Variants in PYGB observed in about 807,000 individuals in gnomAD.
PYGB encodes the protein glycogen phosphorylase, brain form.
A neutral mutation model predicts 94.3 loss-of-function variants in PYGB; 82 were observed. The ratio of observed to expected loss-of-function variants is 0.87; its 90% CI spans 0.73 to 1.04. PYGB has a LOEUF of 1.04. Ranked by LOEUF, PYGB falls within the 50% of genes least tolerant of loss-of-function variation. The pLI, the probability that PYGB is intolerant of heterozygous loss-of-function variation, is 0.00. For synonymous variants in PYGB, 488 were observed against 479.1 expected, an observed-to-expected ratio of 1.02 and a Z score of -0.24; for missense variants, 1,132 against 1,158.2, an observed-to-expected ratio of 0.98 and a Z score of 0.33.
chr20:25,278,484 G>GA, intron 8 of PYGB, 22 bp downstream of exon 8: 1 of 1,612,562 alleles, frequency 6.2e-7, no homozygotes, highest in Non-Finnish European at 8.5e-7. Flanking sequence ...CCCTGGGAGG[G>GA]ATCTCAGTGC....
chr20:25,278,231 G>A (rs1341482888), intron 7 of PYGB, 88 bp from the exon 8 acceptor site: 11 of 1,101,032 alleles, frequency 1.0e-5, no homozygotes, highest in Middle Eastern at 3.2e-4. Flanking sequence ...CCTTCTGCCT[G>A]CACCTTTGAG....
intron 14 of PYGB, among the ~76,000 whole-genome samples, 172 bp downstream of exon 14, chr20:25,284,423 G>A (rs372019498): frequency 1.1e-4 from 17 of 152,178 alleles, no homozygotes; most frequent in African/African-American, 4.1e-4. Context: ...TTTTCTGTGT[G>A]CCCCATGCCA....
chr20:25,279,044 G>A lies in PYGB; in HGVS notation c.1000-13G>A, dbSNP rs200118192. ...ATGAAATGACTGAATGGCACCCCTT[G>A]TGCGACCTTCAGGTGGCCATCCAGC... is the stretch of plus-strand genomic sequence containing the variant. On this transcript the variant is annotated splice_polypyrimidine_tract_variant and intron_variant, in intron 8 of 19. Transcript: ENST00000216962. 1.2e-6 allele frequency: 2 copies of A among 1,605,886 alleles called. No homozygotes were observed. The highest frequency in any genetic ancestry group is 1.7e-6 in the Non-Finnish European group (2 of 1,173,712).
At chr20:25,253,022 A>G (rs1568681564) in intron 1 of PYGB, among the ~76,000 whole-genome samples, 1 of 152,230 alleles carries the variant, frequency 6.6e-6, no homozygotes, top group Non-Finnish European at 1.5e-5. Context: ...ATAACAAAAG[A>G]CACTTCTTTC....
intron 9 of PYGB, among the ~76,000 whole-genome samples, chr20:25,279,630 C>T (rs762423702): frequency 1.3e-5 from 2 of 152,084 alleles, no homozygotes; most frequent in Non-Finnish European, 2.9e-5. Flanking sequence ...GAAGCCAAGG[C>T]AGGAGGGTTG....
intron 15 of PYGB, among the ~76,000 whole-genome samples, chr20:25,289,612 C>G (rs1004437464): frequency 6.6e-6 from 1 of 151,806 alleles, no homozygotes; most frequent in Non-Finnish European, 1.5e-5. Flanking sequence ...CTACTGCACT[C>G]CAGTGTGGGC....
chr20:25,252,639 G>C (rs1045712844), intron 1 of PYGB, among the ~76,000 whole-genome samples: 1 of 152,216 alleles, frequency 6.6e-6, no homozygotes, highest in East Asian at 1.9e-4. Flanking sequence ...TACAACCCAG[G>C]AACAGCCAGA....
chr20:25,261,248 A>ACC (rs995261668), intron 2 of PYGB, among the ~76,000 whole-genome samples: 1 of 152,164 alleles, frequency 6.6e-6, no homozygotes, highest in Non-Finnish European at 1.5e-5. Context: ...GCCGACTGAC[A>ACC]CCTCACACAG....
At chr20:25,269,267 T>C in intron 3 of PYGB, 60 bp downstream of exon 3, 2 of 1,411,072 alleles carry the variant, frequency 1.4e-6, no homozygotes, top group African/African-American at 1.4e-5. Flanking sequence ...GGAGGCCACG[T>C]GGTGAGGCCA....
Position 25,277,272 on chromosome 20 carries a change from C to A in PYGB, c.801C>A (p.Val267=), listed in dbSNP as rs202009739. 83 of 1,584,040 alleles carry A rather than the reference C, an allele frequency of 5.2e-5. No individual in the cohort carries two copies. In the South Asian group the frequency reaches 8.7e-4, roughly 17 times the overall value. ...ACGTGGGAGACTACATCGAGGCGGT[C>A]CTGGACCGGAACTTGGCTGAGAACA... The part of the protein sequence containing the change: ...DFNVGDYIEA[V]LDRNLAENIS... Residue 267 remains valine, a synonymous_variant, in exon 7 of 20, where the codon GTC becomes GTA. Transcript: ENST00000216962.
Position 25,296,971 on chromosome 20 carries a change from GGGCCAAGCCCCATGTA to G in PYGB, c.*451_*466del, listed in dbSNP as rs761084604. ...CATCTGGGCTGCCAGCCACAGGGAA[GGGCCAAGCCCCATGTA>G]GCCCCAGTCATCCTGCCCAGCCCTG... is the stretch of plus-strand genomic sequence containing the variant. On this transcript the variant is annotated 3_prime_UTR_variant, in exon 20 of 20. Coordinates refer to ENST00000216962, the MANE Select transcript of PYGB (RefSeq NM_002862.4). 512 of 171,852 alleles carry G rather than the reference GGGCCAAGCCCCATGTA, an allele frequency of 3.0e-3. 5 individuals carry two copies. Among genetic ancestry groups the G allele is most frequent in the Non-Finnish European group, 3.4e-3 (273 of 79,492 alleles). The allele number at this position is 171,852 out of a possible 1,614,324, so 10.6% of individuals were successfully genotyped here.
intron 19 of PYGB, 95 bp downstream of exon 19, chr20:25,295,765 C>A: frequency 7.2e-7 from 1 of 1,397,764 alleles, no homozygotes. Context: ...TGAGTAGATT[C>A]TTGGCCTGGG....
At chr20:25,272,814 C>G (rs1272753287) in intron 4 of PYGB, among the ~76,000 whole-genome samples, 1 of 152,182 alleles carries the variant, frequency 6.6e-6, no homozygotes, top group Non-Finnish European at 1.5e-5. Flanking sequence ...TTCATTCTGG[C>G]CCCCAGCAGT....
At position 25,277,033 on chromosome 20, in the gene PYGB, T is replaced by C. The variant is rs538346067; in HGVS notation, c.773-211T>C. On this transcript the variant is annotated intron_variant, in intron 6 of 19. Transcript: ENST00000216962. ...CAGATCATGTGCCCCTGGGGAGGAG[T>C]GAGGGGGATGGAGTTGTGTGCGGTA... 2.0e-3 allele frequency among the ~76,000 whole-genome samples: 298 copies of C among 146,922 alleles called. 1 individual carries two copies. The highest frequency in any genetic ancestry group is 3.7e-3 in the Non-Finnish European group (246 of 66,510).
chr20:25,294,804 A>G, intron 18 of PYGB: 1 of 733,530 alleles, frequency 1.4e-6, no homozygotes, highest in Non-Finnish European at 2.5e-6. Flanking sequence ...TGGTTTATCT[A>G]GAGTTACAGA....
intron 1 of PYGB, among the ~76,000 whole-genome samples, chr20:25,253,236 AG>A (rs2092893260): frequency 1.3e-5 from 2 of 152,296 alleles, no homozygotes; most frequent in South Asian, 4.1e-4. Context: ...CCCACTCTGT[AG>A]GTTGTGGCCT....
Position 25,273,950 on chromosome 20 carries a change from C to T in PYGB, c.529-642C>T, listed in dbSNP as rs375741390. Among the ~76,000 whole-genome samples, 232 of 152,352 alleles carry T rather than the reference C, an allele frequency of 1.5e-3. 1 individual carries two copies. Among genetic ancestry groups the T allele is most frequent in the African/African-American group, 5.3e-3 (220 of 41,584 alleles). On this transcript the variant is annotated intron_variant, in intron 4 of 19. Transcript: ENST00000216962. ...GCAGCTTCGACCTTGTGGGCTGAAG[C>T]GATCCTCCCACCCTGGCTTCCCAGA...
rs1470249896 is a variant in PYGB at position 25,294,282 on chromosome 20, C to T, written c.2302C>T (p.His768Tyr). The part of the protein sequence containing the change: ...CFKDIVNMLM[H>Y]HDRFKVFADY... ...CAAGGACATCGTGAACATGCTGATGCACCATGACAGGTGGGACCGACTTCC... is the reference window on the plus strand; with the variant it reads ...CAAGGACATCGTGAACATGCTGATGTACCATGACAGGTGGGACCGACTTCC... Residue 768 changes from histidine to tyrosine, a missense_variant, in exon 18 of 20, where the codon CAC becomes TAC. Physicochemically the swap from His to Tyr is moderately conservative, Grantham distance 83. Transcript: ENST00000216962. 12 of 1,559,558 alleles carry T rather than the reference C, an allele frequency of 7.7e-6. No homozygotes were observed. The highest frequency in any genetic ancestry group is 5.6e-5 in the African/African-American group (4 of 71,770).
Position 25,290,515 on chromosome 20 carries a change from TCAA to T in PYGB, c.1863_1865del (p.Ile621_Lys622delinsMet). The T allele has an allele frequency of 1.9e-6, 3 of 1,611,378 alleles. No homozygotes were observed. Among genetic ancestry groups the T allele is most frequent in the Non-Finnish European group, 2.5e-6 (3 of 1,177,608 alleles). On this transcript the variant is annotated inframe_deletion, in exon 16 of 20. Transcript: ENST00000216962. ...GGTTACCACATGGCCAAGCTGATCA[TCAA>T]GTTGGTCACCTCCATCGGCGACGTC...
Sources: gnomAD v4.1 joint callset for allele counts (sites outside exome capture counted in the v4.1 genomes callset) on GRCh38, gnomAD v4.1.1 for gene constraint, MANE v1.5 for transcripts, NCBI Gene and HGNC (gene_info 2026-07-23, HGNC 2026-07-21) for gene names.